Variants in MYO16 observed in about 807,000 individuals in gnomAD.
MYO16 encodes the protein unconventional myosin-XVI.
Under a neutral mutation model 205.3 loss-of-function variants are expected in MYO16, and 94 were observed. The ratio of observed to expected loss-of-function variants is 0.46; its 90% CI spans 0.39 to 0.54. MYO16 has a LOEUF of 0.54. MYO16 is among the 20% of genes least tolerant of loss of function. The probability of loss-of-function intolerance (pLI) is 0.00; values close to 1 mark genes in which losing one functional copy is unlikely to be tolerated. For missense variants in MYO16, 2,315 were observed against 2,387.5 expected, an observed-to-expected ratio of 0.97 and a Z score of 0.63; for synonymous variants, 988 against 954.0, an observed-to-expected ratio of 1.04 and a Z score of -0.66.
Position 109,140,990 on chromosome 13 carries a change from C to T in MYO16, c.4778C>T (p.Ser1593Phe). Residue 1593 changes from serine to phenylalanine, a missense_variant, in exon 32 of 35, where the codon TCC (serine) becomes TTC (phenylalanine). Ser to Phe is a radical substitution (Grantham distance 155, BLOSUM62 -2). This residue lies in a region of MYO16 where 1,097 missense variants were observed against 1,092.0 expected (regional missense o/e 1.00). Transcript: ENST00000457511. The surrounding 1 kb of genome is among the most constrained non-coding windows in gnomAD (Gnocchi z 8.0). The part of the protein sequence containing the change: ...FNGSGRASPP[S>F]TPPPPPPPPG... ...GGGTCCGGCCGAGCCTCCCCGCCGT[C>T]CACGCCGCCCCCGCCCCCGCCCCCG... The T allele has an allele frequency of 7.4e-7, 1 of 1,356,312 alleles. No individual in the cohort carries two copies. The highest frequency in any genetic ancestry group is 1.5e-5 in the African/African-American group (1 of 65,850). 84.0% of individuals were successfully genotyped at this position (1,356,312 alleles called of 1,614,324 possible). A position where few individuals can be genotyped will look rare whatever the true frequency, so the allele number is the denominator to read the frequency against.
chr13:108,775,698 A>T (rs1161894810), intron 4 of MYO16, among the ~76,000 whole-genome samples: 1 of 152,180 alleles, frequency 6.6e-6, no homozygotes, highest in Non-Finnish European at 1.5e-5. Flanking sequence ...ACCAGCTAAA[A>T]TTGCGCATTT....
chr13:108,564,707 T>C, the MYO16 span, among the ~76,000 whole-genome samples: 1 of 152,206 alleles, frequency 6.6e-6, no homozygotes, highest in African/African-American at 2.4e-5. Context: ...TGTAGAATAT[T>C]ACTCAAGAAA....
intron 27 of MYO16, among the ~76,000 whole-genome samples, chr13:109,088,435 G>C (rs1888509065): frequency 6.6e-6 from 1 of 152,184 alleles, no homozygotes; most frequent in Admixed American, 6.5e-5. Context: ...GACCAGCTTT[G>C]AGTAAGAGAA....
intron 22 of MYO16, among the ~76,000 whole-genome samples, chr13:109,010,957 TTATATA>T (rs67321937): frequency 0.032 from 3,784 of 118,558 alleles, 261 homozygotes; most frequent in African/African-American, 0.066. Flanking sequence ...ACATATAATA[TTATATA>T]TATATATATA....
chr13:108,565,569 T>C, the MYO16 span, among the ~76,000 whole-genome samples: 1 of 150,888 alleles, frequency 6.6e-6, no homozygotes, highest in Admixed American at 6.6e-5. Flanking sequence ...TTCTGGTAGG[T>C]TTTTTTGATG....
chr13:108,634,549 G>A (rs1003464481), intron 1 of MYO16, among the ~76,000 whole-genome samples: 1 of 152,050 alleles, frequency 6.6e-6, no homozygotes, highest in Non-Finnish European at 1.5e-5. Flanking sequence ...ACCTTGAAAC[G>A]ATTGCCCATG....
intron 2 of MYO16, among the ~76,000 whole-genome samples, chr13:108,667,115 T>C (rs1881766847): frequency 6.6e-6 from 1 of 152,196 alleles, no homozygotes; most frequent in African/African-American, 2.4e-5. Flanking sequence ...GTTTATAACC[T>C]GTTCAGTTTG....
chr13:108,552,662 T>C, the MYO16 span, among the ~76,000 whole-genome samples: 2 of 152,326 alleles, frequency 1.3e-5, no homozygotes, highest in East Asian at 1.9e-4. Flanking sequence ...ATACGTGTGT[T>C]ACAGTTATGT....
the MYO16 span, among the ~76,000 whole-genome samples, chr13:108,560,032 C>T: frequency 5.9e-5 from 9 of 152,168 alleles, no homozygotes; most frequent in Admixed American, 2.6e-4. Flanking sequence ...TGCAAGTGGG[C>T]TCATGTTCTT....
At chr13:108,590,512 T>A in the MYO16 span, among the ~76,000 whole-genome samples, 174 of 152,320 alleles carry the variant, frequency 1.1e-3, no homozygotes, top group Non-Finnish European at 2.0e-3. Flanking sequence ...CTGTAATCAA[T>A]GAGACCTGCA....
the MYO16 span, among the ~76,000 whole-genome samples, chr13:108,500,781 A>G: frequency 1.6e-3 from 236 of 152,226 alleles, no homozygotes; most frequent in African/African-American, 5.4e-3. Flanking sequence ...TTTATCTTAA[A>G]TGCAAATTTA....
rs1225137539 is a variant in MYO16 at position 108,964,744 on chromosome 13, T to A, written c.2228-17T>A. On this transcript the variant is annotated splice_polypyrimidine_tract_variant and intron_variant, in intron 19 of 34. Transcript: ENST00000457511. ...GAACCCTTGTGCTCACTCCTCCTTT[T>A]CTTTCTACCATTTTAGGGGATATGA... 1 of 1,613,232 alleles carries A rather than the reference T, an allele frequency of 6.2e-7. No individual in the cohort carries two copies. Among genetic ancestry groups the A allele is most frequent in the Admixed American group, 1.7e-5 (1 of 59,898 alleles).
At chr13:108,739,696 G>A (rs1349248985) in intron 4 of MYO16, among the ~76,000 whole-genome samples, 1 of 152,266 alleles carries the variant, frequency 6.6e-6, no homozygotes, top group East Asian at 1.9e-4. Context: ...TTGCTAGGTT[G>A]GGGAAGTTCT....
chr13:108,672,571 T>C (rs1376738021), intron 2 of MYO16, among the ~76,000 whole-genome samples: 1 of 152,166 alleles, frequency 6.6e-6, no homozygotes, highest in East Asian at 1.9e-4. Flanking sequence ...GTAAATTTAG[T>C]GTCTTTGATG....
chr13:109,023,334 AATAT>A (rs374710336), intron 23 of MYO16, among the ~76,000 whole-genome samples: 1,702 of 53,750 alleles, frequency 0.032, 2 homozygotes, highest in Middle Eastern at 0.11. Context: ...TACAGATATA[AATAT>A]ATATTTATAT....
intron 2 of MYO16, among the ~76,000 whole-genome samples, chr13:108,709,112 G>A (rs1594229336): frequency 6.6e-6 from 1 of 151,806 alleles, no homozygotes; most frequent in East Asian, 1.9e-4. Context: ...GGAAGCCTGC[G>A]CTTCGTTATT....
At chr13:109,022,704 AT>A (rs1886116192) in intron 23 of MYO16, among the ~76,000 whole-genome samples, 2 of 106,096 alleles carry the variant, frequency 1.9e-5, no homozygotes, top group South Asian at 3.2e-4. Flanking sequence ...ATATTTATAT[AT>A]TATATATACG....
At chr13:108,649,686 A>G (rs1019815696) in intron 1 of MYO16, among the ~76,000 whole-genome samples, 1 of 152,226 alleles carries the variant, frequency 6.6e-6, no homozygotes, top group Non-Finnish European at 1.5e-5. Context: ...TTGGTATAAT[A>G]ACAAACTTGT....
chr13:109,144,006 T>C (rs1246238558), intron 32 of MYO16, among the ~76,000 whole-genome samples: 1 of 149,734 alleles, frequency 6.7e-6, no homozygotes, highest in Non-Finnish European at 1.5e-5. Context: ...AACTATACAG[T>C]TGAGAAGTGT....
Sources: allele counts gnomAD v4.1 joint callset (sites outside exome capture counted in the v4.1 genomes callset), GRCh38; gene constraint gnomAD v4.1.1; regional missense constraint gnomAD v4.1.1; non-coding constraint Gnocchi (gnomAD v3.1); transcripts MANE v1.5; gene names NCBI Gene and HGNC (gene_info 2026-07-23, HGNC 2026-07-21).